MYO5C: variants seen among roughly 807,000 people sequenced by gnomAD.
MYO5C encodes myosin VC.
In MYO5C, 194 loss-of-function variants were observed where a neutral mutation model predicts 235.7. The observed-to-expected ratio is 0.82, with a 90% confidence interval of 0.73 to 0.93. The LOEUF is 0.93. Ranked by LOEUF, MYO5C falls within the 40% of genes least tolerant of loss-of-function variation. The pLI is 0.00. For missense variants in MYO5C, 2,038 were observed against 2,127.2 expected (o/e 0.96, Z 0.82); for synonymous variants, 707 against 754.8 (o/e 0.94, Z 1.04).
At chr15:52,264,501 T>TGG (rs1555418728) in intron 8 of MYO5C, among the ~76,000 whole-genome samples, 1 of 152,212 alleles carries the variant, frequency 6.6e-6, no homozygotes, top group Non-Finnish European at 1.5e-5. Context: ...ATACACAGGT[T>TGG]TCCCCTCTGC....
At chr15:52,243,441 C>T (rs1393195005) in intron 19 of MYO5C, 2 of 152,410 alleles carry the variant, frequency 1.3e-5, no homozygotes, top group African/African-American at 4.8e-5. Flanking sequence ...TGATTTCCTT[C>T]CCCAAAGACT....
intron 38 of MYO5C, among the ~76,000 whole-genome samples, chr15:52,197,110 A>G (rs910968272): frequency 2.0e-5 from 3 of 152,252 alleles, no homozygotes; most frequent in Admixed American, 6.5e-5. Flanking sequence ...CAGACTTACC[A>G]TATGACACAG....
chr15:52,231,942 C>A lies in MYO5C; in HGVS notation c.3026+680G>T, dbSNP rs191622687. Among the ~76,000 whole-genome samples, 21 of 152,158 alleles carry A rather than the reference C, an allele frequency of 1.4e-4. No individual in the cohort carries two copies. The East Asian group carries it at 3.3e-3, about 24-fold the overall frequency. On this transcript the variant is annotated intron_variant, in intron 24 of 40. Transcript: ENST00000261839. ...TAATTTCTGTGAGGTCCATTACTTACCTTATCTTTTGGGATAAAAGACAAA... is the reference window on the plus strand; with the variant it reads ...TAATTTCTGTGAGGTCCATTACTTAACTTATCTTTTGGGATAAAAGACAAA...
At chr15:52,214,842 AGTT>A (rs2035519877) in intron 32 of MYO5C, 152 bp from the exon 33 acceptor site, 1 of 517,680 alleles carries the variant, frequency 1.9e-6, no homozygotes, top group Non-Finnish European at 3.4e-6. Flanking sequence ...GTGTAGTCAG[AGTT>A]GTGCTACAAT....
At chr15:52,232,507 C>A in intron 24 of MYO5C, 115 bp downstream of exon 24, 1 of 945,240 alleles carries the variant, frequency 1.1e-6, no homozygotes, top group Non-Finnish European at 1.7e-6. Context: ...TTCCTAAAAA[C>A]AGTCACACCC....
chr15:52,271,875 C>A lies in MYO5C; in HGVS notation c.751-31G>T, dbSNP rs757246845. The A allele has an allele frequency of 2.0e-6, 3 of 1,467,816 alleles. No homozygotes were observed. The African/African-American group carries it at 4.2e-5, about 21-fold the overall frequency. The allele number at this position is 1,467,816 out of a possible 1,614,324, so 90.9% of individuals were successfully genotyped here. A position where few individuals can be genotyped will look rare whatever the true frequency, so the allele number is the denominator to read the frequency against. On this transcript the variant is annotated intron_variant, in intron 6 of 40. Coordinates refer to ENST00000261839, the MANE Select transcript of MYO5C (RefSeq NM_018728.4). ...AGATAAAGAAATGTCCTCAAAATTA[C>A]ACCAAATCCTTACAAGCAAAAATGC...
intron 31 of MYO5C, 43 bp from the exon 32 acceptor site, chr15:52,218,730 C>A: frequency 6.3e-7 from 1 of 1,596,240 alleles, no homozygotes; most frequent in South Asian, 1.1e-5. Context: ...GTATGACGGT[C>A]ATGGAGAAGT....
chr15:52,256,781 T>C lies in MYO5C; in HGVS notation c.1314-61A>G, dbSNP rs140753428. On this transcript the variant is annotated intron_variant, in intron 10 of 40. Transcript: ENST00000261839. ...GAAGCAAGACATATGCATTTGTTTA[T>C]AGATATTTTTTGACACTTAAAAGCT... 2.3e-6 allele frequency: 3 copies of C among 1,331,772 alleles called. No individual in the cohort carries two copies. In the East Asian group the frequency reaches 6.9e-5, roughly 31 times the overall value. 82.5% of individuals were successfully genotyped at this position (1,331,772 alleles called of 1,614,324 possible). A position where few individuals can be genotyped will look rare whatever the true frequency, so the allele number is the denominator to read the frequency against.
At chr15:52,240,120 A>G (rs747064437) in intron 20 of MYO5C, among the ~76,000 whole-genome samples, 1 of 152,232 alleles carries the variant, frequency 6.6e-6, no homozygotes, top group East Asian at 1.9e-4. Context: ...TATGCAGAAA[A>G]ACAGTCTTAC....
At chr15:52,239,534 G>A (rs765864527) in intron 21 of MYO5C, among the ~76,000 whole-genome samples, 199 bp downstream of exon 21, 13 of 152,246 alleles carry the variant, frequency 8.5e-5, no homozygotes, top group Non-Finnish European at 1.3e-4. Context: ...AGGCACACTT[G>A]TGCAGTATAC....
intron 1 of MYO5C, among the ~76,000 whole-genome samples, chr15:52,287,559 C>G (rs904294664): frequency 1.3e-5 from 2 of 152,078 alleles, no homozygotes; most frequent in African/African-American, 4.8e-5. Flanking sequence ...TATATGCCCC[C>G]CAAAAGAATT....
intron 7 of MYO5C, 95 bp downstream of exon 7, chr15:52,271,668 A>C: frequency 1.5e-6 from 1 of 685,928 alleles, no homozygotes; most frequent in South Asian, 3.7e-5. Flanking sequence ...TTGGGCAAAT[A>C]CTTAAAACAA....
intron 10 of MYO5C, among the ~76,000 whole-genome samples, chr15:52,260,190 G>C (rs887506024): frequency 1.3e-5 from 2 of 152,212 alleles, no homozygotes; most frequent in African/African-American, 4.8e-5. Context: ...GGAGGACCAG[G>C]CAGAGAGAAT....
Position 52,192,981 on chromosome 15 carries a change from A to G in MYO5C, c.*921T>C, listed in dbSNP as rs1313053899. ...AGTTTTAAATAGATATACATATAAA[A>G]ATACTTCAAATGATTCATCTCGGAT... is the stretch of plus-strand genomic sequence containing the variant. On this transcript the variant is annotated 3_prime_UTR_variant, in exon 41 of 41. Transcript: ENST00000261839. 2 of 152,220 alleles carry G rather than the reference A, an allele frequency of 1.3e-5. No homozygotes were observed. The highest frequency in any genetic ancestry group is 4.8e-5 in the African/African-American group (2 of 41,458). 9.4% of individuals were successfully genotyped at this position (152,220 alleles called of 1,614,324 possible). A position where few individuals can be genotyped will look rare whatever the true frequency, so the allele number is the denominator to read the frequency against.
At chr15:52,234,075 AT>A (rs1309867648) in intron 23 of MYO5C, among the ~76,000 whole-genome samples, 1 of 152,232 alleles carries the variant, frequency 6.6e-6, no homozygotes, top group Non-Finnish European at 1.5e-5. Flanking sequence ...TATAACCTCA[AT>A]TTTCAATTAA....
In MYO5C at chr15:52,278,985, G is replaced by T; in HGVS notation, c.337C>A (p.Gln113Lys). 1 of 1,613,796 alleles carries T rather than the reference G, an allele frequency of 6.2e-7. No individual in the cohort carries two copies. Among genetic ancestry groups the T allele is most frequent in the Non-Finnish European group, 8.5e-7 (1 of 1,179,820 alleles). Residue 113 changes from glutamine to lysine, a missense_variant, in exon 4 of 41, where the codon CAG becomes AAG. Gln to Lys is a moderately conservative substitution (Grantham distance 53). Coordinates refer to ENST00000261839, the MANE Select transcript of MYO5C (RefSeq NM_018728.4). The stretch of plus-strand genomic sequence containing the variant: ...ATGGCATCTCCGTATATTGGCAACT[G>T]CTTGTAAGGATTCATGGCCACCAAA... The part of the protein sequence containing the change: ...IILVAMNPYK[Q>K]LPIYGDAIIH...
rs754919054 is a variant in MYO5C, at chr15:52,278,832, A to G, written c.449+41T>C. 14 of 1,609,192 alleles carry G rather than the reference A, an allele frequency of 8.7e-6. No individual in the cohort carries two copies. The East Asian group carries it at 2.0e-4, about 23-fold the overall frequency. On this transcript the variant is annotated intron_variant, in intron 4 of 40. Transcript: ENST00000261839. The stretch of plus-strand genomic sequence containing the variant: ...TGATGGTCTGGCAAATGCAGGGAGC[A>G]TTGGCAGAGCAAGGGGAAGTCCAGC...
chr15:52,196,939 G>T (rs942753002), intron 38 of MYO5C, among the ~76,000 whole-genome samples: 10 of 152,144 alleles, frequency 6.6e-5, no homozygotes, highest in African/African-American at 2.4e-4. Flanking sequence ...GAGTTAAGAG[G>T]CATGGGTTTT....
In MYO5C at chr15:52,237,449, A is replaced by G. The variant is rs756102113; in HGVS notation, c.2868+33T>C. 1.1e-5 allele frequency: 17 copies of G among 1,602,034 alleles called. No individual in the cohort carries two copies. In the South Asian group the frequency reaches 1.5e-4, roughly 14 times the overall value. The stretch of plus-strand genomic sequence containing the variant: ...CATCTTTTTCACAGAGAGTCCGCAT[A>G]TTTCCATCCCGTCTCACACGCCCGC... On this transcript the variant is annotated intron_variant, in intron 22 of 40. Transcript: ENST00000261839.
Sources: allele counts gnomAD v4.1 joint callset (sites outside exome capture counted in the v4.1 genomes callset), GRCh38; gene constraint gnomAD v4.1.1; transcripts MANE v1.5; gene names NCBI Gene and HGNC (gene_info 2026-07-23, HGNC 2026-07-21).